DTNBP1: variants seen among roughly 807,000 people sequenced by gnomAD.
The protein encoded by DTNBP1 is dysbindin.
Under a neutral mutation model 42.8 loss-of-function variants are expected in DTNBP1, and 35 were observed. The ratio of observed to expected loss-of-function variants is 0.82; its 90% CI spans 0.63 to 1.09. The LOEUF (loss-of-function observed/expected upper bound fraction) is 1.09, where lower values mean the gene tolerates loss of function less well. Ranked by LOEUF, DTNBP1 falls within the 50% of genes least tolerant of loss-of-function variation. The pLI is 0.00. For missense variants in DTNBP1, 457 were observed against 424.2 expected (o/e 1.08, Z -0.68); for synonymous variants, 171 against 162.2 (o/e 1.05, Z -0.41).
At position 15,628,878 on chromosome 6, in the gene DTNBP1, A is replaced by T. The variant is rs554516015; in HGVS notation, c.223-1403T>A. Among the ~76,000 whole-genome samples the T allele has an allele frequency of 5.3e-5, 8 of 152,322 alleles. No homozygotes were observed. The South Asian group carries it at 1.7e-3, about 32-fold the overall frequency. On this transcript the variant is annotated intron_variant, in intron 4 of 9. Coordinates refer to ENST00000344537, the MANE Select transcript of DTNBP1 (RefSeq NM_032122.5). ...ACATTTCACTATAGTAGGAATTCTC[A>T]TTTGAAATAAAGAACTAAGCTATGA... is the stretch of plus-strand genomic sequence containing the variant.
intron 7 of DTNBP1, among the ~76,000 whole-genome samples, chr6:15,581,210 C>G (rs942627336): frequency 6.6e-6 from 1 of 152,326 alleles, no homozygotes; most frequent in African/African-American, 2.4e-5. Flanking sequence ...GACGGAGTCT[C>G]ACTCTGTGGC....
At chr6:15,543,074 ATTAT>A (rs1773671879) in intron 7 of DTNBP1, among the ~76,000 whole-genome samples, 1 of 152,170 alleles carries the variant, frequency 6.6e-6, no homozygotes, top group Non-Finnish European at 1.5e-5. Flanking sequence ...GCCATAAAAA[ATTAT>A]TTATTCCACA....
At chr6:15,615,459 C>CA in intron 5 of DTNBP1, 60 bp from the exon 6 acceptor site, 1 of 1,583,150 alleles carries the variant, frequency 6.3e-7, no homozygotes, top group Non-Finnish European at 8.6e-7. Flanking sequence ...ATGATGAATA[C>CA]AAAAAGTATC....
Position 15,522,888 on chromosome 6 carries a change from C to G in DTNBP1, c.*87G>C. The stretch of plus-strand genomic sequence containing the variant: ...GCAATTATGTAAAAATCAAGAACCT[C>G]TATAAAACAACCTGGCTTTCCAGGT... On this transcript the variant is annotated 3_prime_UTR_variant, in exon 10 of 10. Transcript: ENST00000344537. 2 of 1,611,250 alleles carry G rather than the reference C, an allele frequency of 1.2e-6. No individual in the cohort carries two copies. Among genetic ancestry groups the G allele is most frequent in the East Asian group, 2.2e-5 (1 of 44,868 alleles).
chr6:15,656,523 C>T (rs1417945792), intron 1 of DTNBP1, among the ~76,000 whole-genome samples: 1 of 152,078 alleles, frequency 6.6e-6, no homozygotes, highest in Non-Finnish European at 1.5e-5. Flanking sequence ...CACAAAACTG[C>T]TTAGACAAAA....
At chr6:15,642,001 C>T (rs1760389079) in intron 3 of DTNBP1, among the ~76,000 whole-genome samples, 1 of 152,210 alleles carries the variant, frequency 6.6e-6, no homozygotes, top group African/African-American at 2.4e-5. Flanking sequence ...GCAGTGTTCT[C>T]TCTGCCAGGG....
At chr6:15,595,293 C>T (rs1187166046) in intron 6 of DTNBP1, 8 of 378,108 alleles carry the variant, frequency 2.1e-5, no homozygotes, top group South Asian at 3.5e-5. Flanking sequence ...GAGACAGAGT[C>T]TTGCTCTGTC....
At chr6:15,542,986 C>G (rs578120404) in intron 7 of DTNBP1, among the ~76,000 whole-genome samples, 2 of 152,142 alleles carry the variant, frequency 1.3e-5, no homozygotes, top group African/African-American at 4.8e-5. Context: ...AGGCATGAGA[C>G]ACCGTGCCCG....
chr6:15,605,869 A>G (rs1330318207), intron 6 of DTNBP1, among the ~76,000 whole-genome samples: 1 of 152,190 alleles, frequency 6.6e-6, no homozygotes, highest in Non-Finnish European at 1.5e-5. Context: ...CTATAGCCAT[A>G]TTCTAGCCAC....
At chr6:15,564,023 G>A (rs1354882809) in intron 7 of DTNBP1, among the ~76,000 whole-genome samples, 2 of 150,218 alleles carry the variant, frequency 1.3e-5, no homozygotes, top group African/African-American at 2.5e-5. Flanking sequence ...GCAGTAAGCT[G>A]AGGTCATGCC....
At chr6:15,581,776 G>GGCAGAAATTCTTTTAAAACTGTTAC (rs1775850780) in intron 7 of DTNBP1, among the ~76,000 whole-genome samples, 1 of 152,178 alleles carries the variant, frequency 6.6e-6, no homozygotes, top group Non-Finnish European at 1.5e-5. Context: ...ATCGCGCCCA[G>GGCAGAAATTCTTTTAAAACTGTTAC]GCAGAAATTC....
intron 7 of DTNBP1, among the ~76,000 whole-genome samples, chr6:15,557,832 A>C (rs1225343465): frequency 6.6e-6 from 1 of 152,158 alleles, no homozygotes; most frequent in Non-Finnish European, 1.5e-5. Flanking sequence ...TTATAATATC[A>C]AATGTTTTAA....
chr6:15,646,266 C>T (rs9476882), intron 3 of DTNBP1, among the ~76,000 whole-genome samples: 19,093 of 151,296 alleles, frequency 0.13, 1,514 homozygotes, highest in African/African-American at 0.23. Flanking sequence ...TAGACACACA[C>T]ACACACACAC....
Position 15,523,239 on chromosome 6 carries a change from AG to A in DTNBP1, c.812-21del. 6.2e-7 allele frequency: 1 copy of A among 1,613,766 alleles called. No homozygotes were observed. The highest frequency in any genetic ancestry group is 1.1e-5 in the South Asian group (1 of 90,826). Reference sequence around the variant, plus strand: ...CAGGCCCTGCAAAATAACGTAGGGAAGAAAAAGCCCTGTCATAAAAATATTG... The same window carrying A: ...CAGGCCCTGCAAAATAACGTAGGGAAAAAAAGCCCTGTCATAAAAATATTG... On this transcript the variant is annotated intron_variant, in intron 9 of 9. Coordinates refer to ENST00000344537, the MANE Select transcript of DTNBP1 (RefSeq NM_032122.5).
chr6:15,630,099 C>A (rs1036223371), intron 4 of DTNBP1, among the ~76,000 whole-genome samples: 11 of 152,228 alleles, frequency 7.2e-5, no homozygotes, highest in Non-Finnish European at 1.3e-4. Context: ...TTCCAAAATT[C>A]TTTCTGGATA....
chr6:15,539,128 G>C (rs970917069), intron 7 of DTNBP1, among the ~76,000 whole-genome samples: 1 of 152,134 alleles, frequency 6.6e-6, no homozygotes, highest in Non-Finnish European at 1.5e-5. Flanking sequence ...AATACTATGG[G>C]CTTTCTTCTT....
chr6:15,614,615 T>C (rs1256836622), intron 6 of DTNBP1, among the ~76,000 whole-genome samples: 1 of 152,180 alleles, frequency 6.6e-6, no homozygotes, highest in Non-Finnish European at 1.5e-5. Context: ...AGAGCTAGTC[T>C]AGCAGGCTGT....
chr6:15,601,422 A>G (rs567821167), intron 6 of DTNBP1, among the ~76,000 whole-genome samples: 2 of 152,334 alleles, frequency 1.3e-5, no homozygotes, highest in East Asian at 3.9e-4. Context: ...TTTAAAGGAT[A>G]CTTTTTAGCT....
At chr6:15,554,752 C>CA (rs529470196) in intron 7 of DTNBP1, among the ~76,000 whole-genome samples, 2 of 151,994 alleles carry the variant, frequency 1.3e-5, no homozygotes, top group African/African-American at 2.4e-5. Context: ...GACTGATGTA[C>CA]AAAAAAATGG....
Sources: gnomAD v4.1 joint callset for allele counts (sites outside exome capture counted in the v4.1 genomes callset) on GRCh38, gnomAD v4.1.1 for gene constraint, MANE v1.5 for transcripts, NCBI Gene and HGNC (gene_info 2026-07-23, HGNC 2026-07-21) for gene names.